NUP88: variants seen among roughly 807,000 people sequenced by gnomAD.
NUP88 encodes nucleoporin 88, also known as nuclear pore complex protein Nup88.
A neutral mutation model predicts 93.9 loss-of-function variants in NUP88; 57 were observed. The ratio of observed to expected loss-of-function variants is 0.61; its 90% CI spans 0.49 to 0.76. NUP88 has a LOEUF of 0.76. Among genes scored for constraint, NUP88 ranks in the 30% least tolerant of loss-of-function variants. NUP88 has a pLI of 0.00. For synonymous variants in NUP88, 346 were observed against 336.8 expected (o/e 1.03, Z -0.30); for missense variants, 911 against 901.0 (o/e 1.01, Z -0.14).
chr17:5,395,090 C>T (rs1912689604), intron 8 of NUP88, 109 bp from the exon 9 acceptor site: 2 of 707,556 alleles, frequency 2.8e-6, no homozygotes, highest in Non-Finnish European at 5.0e-6. Flanking sequence ...GAAAACATTG[C>T]TTCTCAAGTA....
At chr17:5,393,435 C>CTTTTTTTT (rs35265554) in intron 9 of NUP88, among the ~76,000 whole-genome samples, 2 of 121,696 alleles carry the variant, frequency 1.6e-5, no homozygotes, top group Admixed American at 8.4e-5. Context: ...GTTCACTTTT[C>CTTTTTTTT]TTTTTTTTTT....
intron 2 of NUP88, among the ~76,000 whole-genome samples, chr17:5,416,175 A>ATG: frequency 1.6e-5 from 2 of 123,134 alleles, no homozygotes; most frequent in East Asian, 8.1e-4. Context: ...AAGTATATAT[A>ATG]TATATACACA....
At chr17:5,387,335 T>C (rs1284085912) in intron 14 of NUP88, 51 bp downstream of exon 14, 2 of 1,498,386 alleles carry the variant, frequency 1.3e-6, no homozygotes, top group Admixed American at 1.7e-5. Flanking sequence ...TTTTCTTAAA[T>C]ATCGTTGTTA....
At chr17:5,419,286 G>A (rs1259444980) in intron 1 of NUP88, 68 bp downstream of exon 1, 2 of 1,466,432 alleles carry the variant, frequency 1.4e-6, no homozygotes, top group Non-Finnish European at 1.8e-6. Context: ...CAGCCAAGAG[G>A]AGCAAGGAAC....
Position 5,416,628 on chromosome 17 carries a change from G to C in NUP88, c.352C>G (p.Pro118Ala). 3.1e-6 allele frequency: 5 copies of C among 1,611,620 alleles called. No individual in the cohort carries two copies. The highest frequency in any genetic ancestry group is 3.4e-6 in the Non-Finnish European group (4 of 1,179,224). The change falls in exon 2 of 17, where the codon CCA (proline) becomes GCA (alanine). Residue 118 changes from proline (P) to alanine (A), a missense_variant. Transcript: ENST00000573584. ...LFEIYQVLLS[P>A]TQHHVALIGI... is the part of the protein sequence containing the mutation. Reference sequence around the variant, plus strand: ...ATAAGTGCTACATGATGTTGTGTTGGGCTTAACAAGACTTGATAGATTTCA... The same window carrying C: ...ATAAGTGCTACATGATGTTGTGTTGCGCTTAACAAGACTTGATAGATTTCA...
chr17:5,399,515 G>GAA (rs748373332), intron 8 of NUP88, 37 bp downstream of exon 8: 83 of 1,027,318 alleles, frequency 8.1e-5, no homozygotes, highest in Non-Finnish European at 1.2e-4. Flanking sequence ...TTTTTCCTCT[G>GAA]AAATCTATTA....
At position 5,406,716 on chromosome 17, in the gene NUP88, T is replaced by C. The variant is rs147935514; in HGVS notation, c.858-1473A>G. ...GCTTCCCTGGGCCACACTGGAACAA[T>C]TGTTTTGGGCCACACAGAAAATACA... On this transcript the variant is annotated intron_variant, in intron 5 of 16. Coordinates refer to ENST00000573584, the MANE Select transcript of NUP88 (RefSeq NM_002532.6). 6.3e-3 allele frequency among the ~76,000 whole-genome samples: 962 copies of C among 151,964 alleles called. 7 individuals carry two copies. The highest frequency in any genetic ancestry group is 0.022 in the African/African-American group (900 of 41,432).
At chr17:5,412,459 G>A (rs1054702959) in intron 3 of NUP88, among the ~76,000 whole-genome samples, 40 of 152,074 alleles carry the variant, frequency 2.6e-4, no homozygotes, top group Admixed American at 2.0e-3. Context: ...CAATACACAC[G>A]TATCACGTTC....
chr17:5,416,258 A>G (rs964372933), intron 2 of NUP88, among the ~76,000 whole-genome samples: 1 of 151,450 alleles, frequency 6.6e-6, no homozygotes, highest in African/African-American at 2.4e-5. Flanking sequence ...AACTGGTTTT[A>G]CAAAATCTTA....
chr17:5,402,041 G>A lies in NUP88; in HGVS notation c.1192+2058C>T, dbSNP rs139068883. 8.5e-5 allele frequency among the ~76,000 whole-genome samples: 13 copies of A among 152,324 alleles called. No homozygotes were observed. The East Asian group carries it at 2.1e-3, about 25-fold the overall frequency. Reference sequence around the variant, plus strand: ...ATTAGAAGAACCAAGAAAAGGCTGGGCATGGTGGTTTATGCCTAAAATCCC... The same window carrying A: ...ATTAGAAGAACCAAGAAAAGGCTGGACATGGTGGTTTATGCCTAAAATCCC... On this transcript the variant is annotated intron_variant, in intron 7 of 16. Transcript: ENST00000573584.
At chr17:5,403,542 T>C (rs1913294834) in intron 7 of NUP88, among the ~76,000 whole-genome samples, 1 of 151,778 alleles carries the variant, frequency 6.6e-6, no homozygotes, top group Non-Finnish European at 1.5e-5. Flanking sequence ...GTACCTGCAA[T>C]CCAGCTACTT....
At chr17:5,393,367 AT>A (rs1912563387) in intron 9 of NUP88, among the ~76,000 whole-genome samples, 1 of 151,006 alleles carries the variant, frequency 6.6e-6, no homozygotes, top group African/African-American at 2.4e-5. Flanking sequence ...AAGTGCTGGG[AT>A]TATAGGTGTA....
chr17:5,417,502 A>T (rs1270031969), intron 1 of NUP88, among the ~76,000 whole-genome samples: 1 of 151,860 alleles, frequency 6.6e-6, no homozygotes, highest in Non-Finnish European at 1.5e-5. Context: ...TTAAAAAATG[A>T]CAAGGGCAGA....
At chr17:5,411,856 G>C (rs1160494164) in intron 3 of NUP88, among the ~76,000 whole-genome samples, 2 of 152,098 alleles carry the variant, frequency 1.3e-5, no homozygotes, top group Non-Finnish European at 2.9e-5. Context: ...GCCACATTAA[G>C]TATTTAATAA....
chr17:5,388,736 A>G, intron 11 of NUP88, 66 bp downstream of exon 11: 1 of 1,381,364 alleles, frequency 7.2e-7, no homozygotes, highest in South Asian at 1.3e-5. Flanking sequence ...GACAGAAAGG[A>G]TGCACAGTAA....
chr17:5,391,541 G>A lies in NUP88; in HGVS notation c.1484+20C>T. 2 of 1,579,122 alleles carry A rather than the reference G, an allele frequency of 1.3e-6. No individual in the cohort carries two copies. The highest frequency in any genetic ancestry group is 1.7e-6 in the Non-Finnish European group (2 of 1,148,270). ...GCAGAATTAACAAGAGCTGTGTGGAGAATATAAAATGGGACGTACAATAAC... is the reference window on the plus strand; with the variant it reads ...GCAGAATTAACAAGAGCTGTGTGGAAAATATAAAATGGGACGTACAATAAC... On this transcript the variant is annotated intron_variant, in intron 10 of 16. Transcript: ENST00000573584.
intron 3 of NUP88, 83 bp downstream of exon 3, chr17:5,413,926 C>T (rs1913985626): frequency 9.0e-6 from 13 of 1,441,092 alleles, no homozygotes; most frequent in Admixed American, 3.5e-5. Context: ...TGACTCACTT[C>T]GTTCTATGTT....
At chr17:5,387,718 C>T (rs779307605) in intron 12 of NUP88, 48 bp from the exon 13 acceptor site, 14 of 1,608,148 alleles carry the variant, frequency 8.7e-6, no homozygotes, top group Non-Finnish European at 1.2e-5. Flanking sequence ...CAGGTCTAGG[C>T]TACCATACAG....
chr17:5,388,749 C>G, intron 11 of NUP88, 53 bp downstream of exon 11: 1 of 1,508,278 alleles, frequency 6.6e-7, no homozygotes, highest in Non-Finnish European at 9.0e-7. Flanking sequence ...CACAGTAATT[C>G]TGAAGACAGA....
Sources: gnomAD v4.1 joint callset for allele counts (sites outside exome capture counted in the v4.1 genomes callset) on GRCh38, gnomAD v4.1.1 for gene constraint, MANE v1.5 for transcripts, NCBI Gene and HGNC (gene_info 2026-07-23, HGNC 2026-07-21) for gene names.